CIT: variants seen among roughly 807,000 people sequenced by gnomAD.
CIT encodes citron Rho-interacting kinase.
Under a neutral mutation model 272.7 loss-of-function variants are expected in CIT, and 79 were observed. That is an observed-to-expected ratio of 0.29 (90% confidence interval 0.24 to 0.35). The LOEUF (loss-of-function observed/expected upper bound fraction) is 0.35. CIT is among the 10% of genes least tolerant of loss of function. The pLI, the probability that CIT is intolerant of heterozygous loss-of-function variation, is 1.00. For missense variants in CIT, 1,909 were observed against 2,618.3 expected (o/e 0.73, Z 5.91); for synonymous variants, 948 against 995.6 (o/e 0.95, Z 0.90).
chr12:119,744,714 C>CAAAA (rs33990797), intron 23 of CIT, among the ~76,000 whole-genome samples: 11 of 103,482 alleles, frequency 1.1e-4, no homozygotes, highest in African/African-American at 2.3e-4. Context: ...GACTCCGCCT[C>CAAAA]AAAAAAAAAA....
intron 46 of CIT, among the ~76,000 whole-genome samples, chr12:119,691,590 C>T (rs75479460): frequency 3.3e-3 from 497 of 152,266 alleles, no homozygotes; most frequent in Non-Finnish European, 5.0e-3. Context: ...GCTCAGAAAA[C>T]GTCCCAGGCC....
At chr12:119,814,327 C>G (rs1300178043) in intron 9 of CIT, among the ~76,000 whole-genome samples, 1 of 152,068 alleles carries the variant, frequency 6.6e-6, no homozygotes, top group Non-Finnish European at 1.5e-5. Flanking sequence ...AGAACAGCCC[C>G]CAAGAGACAC....
intron 7 of CIT, among the ~76,000 whole-genome samples, chr12:119,828,407 T>G (rs1200214292): frequency 6.6e-6 from 1 of 151,856 alleles, no homozygotes; most frequent in Non-Finnish European, 1.5e-5. Flanking sequence ...ACACATAATC[T>G]CACATGTCCT....
At chr12:119,790,961 C>T (rs1024268683) in intron 10 of CIT, among the ~76,000 whole-genome samples, 1 of 152,172 alleles carries the variant, frequency 6.6e-6, no homozygotes, top group African/African-American at 2.4e-5. Context: ...TTATTGAGCA[C>T]GTGTCAGGCA....
At chr12:119,778,425 G>A (rs78475558) in intron 13 of CIT, among the ~76,000 whole-genome samples, 2 of 152,088 alleles carry the variant, frequency 1.3e-5, no homozygotes, top group Non-Finnish European at 2.9e-5. Flanking sequence ...GATACAAAAC[G>A]AAATGAACAA....
chr12:119,784,688 A>C lies in CIT; in HGVS notation c.1401+272T>G. On this transcript the variant is annotated intron_variant, in intron 11 of 47. Transcript: ENST00000392521. This position sits in a 1 kb window ranked among gnomAD's most constrained non-coding sequence, Gnocchi z 4.7. ...GTGAGGACCCAGGCCACCTGCCGGA[A>C]GAAGCAGACATCTGGCTGGGTCATG... The C allele has an allele frequency of 7.6e-7, 1 of 1,308,716 alleles. No homozygotes were observed. The highest frequency in any genetic ancestry group is 9.7e-7 in the Non-Finnish European group (1 of 1,028,324). 81.1% of individuals were successfully genotyped at this position (1,308,716 alleles called of 1,614,324 possible). A position where few individuals can be genotyped will look rare whatever the true frequency, so the allele number is the denominator to read the frequency against.
chr12:119,769,499 T>C (rs1392306702), intron 18 of CIT, among the ~76,000 whole-genome samples: 1 of 152,178 alleles, frequency 6.6e-6, no homozygotes, highest in Non-Finnish European at 1.5e-5. Flanking sequence ...AATGAACACA[T>C]CACCATTAAA....
intron 2 of CIT, among the ~76,000 whole-genome samples, chr12:119,871,014 G>C (rs1950658801): frequency 6.6e-6 from 1 of 151,912 alleles, no homozygotes; most frequent in Non-Finnish European, 1.5e-5. Context: ...AGCTACTCGG[G>C]AGGCTGGGGC....
intron 10 of CIT, 95 bp downstream of exon 10, chr12:119,803,110 TC>T: frequency 1.9e-6 from 1 of 520,610 alleles, no homozygotes. Flanking sequence ...TCCACTGCAC[TC>T]CCCCCACCTA....
rs1377825733 is a variant in CIT at position 119,784,445 on chromosome 12, A to C, written c.1402-394T>G. ...AAGATCTAGAGGACAAATCCAGGACAGGGCAAGGAGATATTTATTCGTCTG... is the reference window on the plus strand; with the variant it reads ...AAGATCTAGAGGACAAATCCAGGACCGGGCAAGGAGATATTTATTCGTCTG... On this transcript the variant is annotated intron_variant, in intron 11 of 47. Coordinates refer to ENST00000392521, the MANE Select transcript of CIT (RefSeq NM_001206999.2). The surrounding 1 kb of genome is among the most constrained non-coding windows in gnomAD (Gnocchi z 4.7). 3 of 1,203,414 alleles carry C rather than the reference A, an allele frequency of 2.5e-6. No homozygotes were observed. In the Admixed American group the frequency reaches 1.1e-4, roughly 43 times the overall value. 74.5% of individuals were successfully genotyped at this position (1,203,414 alleles called of 1,614,324 possible).
rs1970130714 is a variant in CIT, at chr12:119,850,391, C to CAA, written c.415-118_415-117dup. The CAA allele has an allele frequency of 1.1e-5, 3 of 264,170 alleles. No homozygotes were observed. In the African/African-American group the frequency reaches 1.5e-4, roughly 13 times the overall value. 16.4% of individuals were successfully genotyped at this position (264,170 alleles called of 1,614,324 possible). On this transcript the variant is annotated intron_variant, in intron 4 of 47. Coordinates refer to ENST00000392521, the MANE Select transcript of CIT (RefSeq NM_001206999.2). ...TTCTAGCTTTAAAAAAAAAAAAAGG[C>CAA]AAAGGAAAGAAGGGAAAAGAAAACA...
At chr12:119,745,546 C>A (rs1209753850) in intron 23 of CIT, among the ~76,000 whole-genome samples, 1 of 151,846 alleles carries the variant, frequency 6.6e-6, no homozygotes, top group African/African-American at 2.4e-5. Context: ...GTCCTTCCGA[C>A]AGATGGAAAA....
At chr12:119,862,870 ACTTTTAGGGAAGTGATTAAATCACTTCC>A (rs1166285048) in intron 3 of CIT, among the ~76,000 whole-genome samples, 2 of 144,100 alleles carry the variant, frequency 1.4e-5, no homozygotes, top group Non-Finnish European at 3.0e-5. Context: ...ACGAGGTAGG[ACTTTTAGGGAAGTGATTAAATCACTTCC>A]CTAAAAAAGA....
intron 5 of CIT, among the ~76,000 whole-genome samples, chr12:119,840,442 G>A (rs1969333695): frequency 6.6e-6 from 1 of 152,158 alleles, no homozygotes; most frequent in African/African-American, 2.4e-5. Flanking sequence ...AATGGTAGAA[G>A]TGTAAATGCA....
chr12:119,835,187 G>A (rs182452516), intron 5 of CIT, among the ~76,000 whole-genome samples: 9 of 152,332 alleles, frequency 5.9e-5, no homozygotes, highest in African/African-American at 9.6e-5. Context: ...ATATTCCTGA[G>A]TCCCTAGGTA....
intron 44 of CIT, chr12:119,698,295 T>C (rs1446200282): frequency 5.8e-6 from 3 of 517,592 alleles, no homozygotes; most frequent in Non-Finnish European, 1.0e-5. Flanking sequence ...GCTAAATACA[T>C]TATAATACAT....
rs754900587 is a variant in CIT at position 119,694,987 on chromosome 12, C to T, written c.5882+2672G>A. Among the ~76,000 whole-genome samples, 1 of 152,144 alleles carries T rather than the reference C, an allele frequency of 6.6e-6. No individual in the cohort carries two copies. The highest frequency in any genetic ancestry group is 2.4e-5 in the African/African-American group (1 of 41,422). ...TTAACCCTAGCCCTTTGCGCGGCCA[C>T]TCTCGAGGCAGGGTCAAACCAAAAG... On this transcript the variant is annotated intron_variant, in intron 46 of 47. Transcript: ENST00000392521. The surrounding 1 kb of genome is among the most constrained non-coding windows in gnomAD (Gnocchi z 4.5).
chr12:119,876,233 G>T, intron 1 of CIT, 52 bp from the exon 2 acceptor site: 1 of 1,171,374 alleles, frequency 8.5e-7, no homozygotes, highest in Non-Finnish European at 1.3e-6. Flanking sequence ...AGCAGGAAGG[G>T]CCTGAGAGAT....
At chr12:119,811,594 G>C (rs1489231838) in intron 9 of CIT, among the ~76,000 whole-genome samples, 1 of 152,202 alleles carries the variant, frequency 6.6e-6, no homozygotes. Flanking sequence ...TTTCAATGGA[G>C]ATGTGAGCTC....
Sources: allele counts gnomAD v4.1 joint callset (sites outside exome capture counted in the v4.1 genomes callset), GRCh38; gene constraint gnomAD v4.1.1; non-coding constraint Gnocchi (gnomAD v3.1); transcripts MANE v1.5; gene names NCBI Gene and HGNC (gene_info 2026-07-23, HGNC 2026-07-21).